PLEKHM3: variants seen among roughly 807,000 people sequenced by gnomAD.
The protein encoded by PLEKHM3 is pleckstrin homology domain containing M3, also known as pleckstrin homology domain-containing family M member 3.
PLEKHM3 carries 45 observed loss-of-function variants against 81.8 expected under a neutral mutation model. That is an observed-to-expected ratio of 0.55 (90% confidence interval 0.43 to 0.71). PLEKHM3 has a LOEUF of 0.71. Among genes scored for constraint, PLEKHM3 ranks in the 30% least tolerant of loss-of-function variants. The pLI, the probability that PLEKHM3 is intolerant of heterozygous loss-of-function variation, is 0.00. For missense variants in PLEKHM3, 788 were observed against 924.3 expected (o/e 0.85, Z 1.91); for synonymous variants, 352 against 356.4 (o/e 0.99, Z 0.14).
chr2:207,980,319 G>A (rs922480403), intron 2 of PLEKHM3, among the ~76,000 whole-genome samples: 1 of 152,080 alleles, frequency 6.6e-6, no homozygotes, highest in Non-Finnish European at 1.5e-5. Context: ...CTAACTATAT[G>A]AGCTAGGGTG....
At chr2:207,955,404 T>C (rs1156996821) in intron 3 of PLEKHM3, among the ~76,000 whole-genome samples, 1 of 152,038 alleles carries the variant, frequency 6.6e-6, no homozygotes, top group Non-Finnish European at 1.5e-5. Flanking sequence ...GTAAGCAATT[T>C]AAAAATAAAA....
At chr2:207,863,335 A>C (rs987665600) in intron 6 of PLEKHM3, among the ~76,000 whole-genome samples, 10 of 152,228 alleles carry the variant, frequency 6.6e-5, no homozygotes, top group African/African-American at 2.4e-4. Context: ...GCCTCAAGGC[A>C]GTGCCTGCAG....
At chr2:207,834,124 C>T (rs1387107662) in intron 7 of PLEKHM3, among the ~76,000 whole-genome samples, 1 of 126,044 alleles carries the variant, frequency 7.9e-6, no homozygotes, top group African/African-American at 3.3e-5. Context: ...TCTGATTTTT[C>T]TCTTTCTTTT....
intron 4 of PLEKHM3, among the ~76,000 whole-genome samples, chr2:207,944,303 T>C (rs992573039): frequency 6.6e-6 from 1 of 152,066 alleles, no homozygotes; most frequent in African/African-American, 2.4e-5. Flanking sequence ...TCCAGTAGAA[T>C]AAGAAACTGC....
At chr2:207,888,005 T>G (rs1687933277) in intron 6 of PLEKHM3, among the ~76,000 whole-genome samples, 1 of 152,136 alleles carries the variant, frequency 6.6e-6, no homozygotes, top group Admixed American at 6.5e-5. Context: ...AATATCTGTC[T>G]TTCTCAGTCC....
chr2:207,884,762 T>C (rs1265048178), intron 6 of PLEKHM3, among the ~76,000 whole-genome samples: 1 of 152,232 alleles, frequency 6.6e-6, no homozygotes, highest in Non-Finnish European at 1.5e-5. Flanking sequence ...ATTGAAAATA[T>C]GTTTAAAGAG....
chr2:207,885,007 T>A (rs1292488371), intron 6 of PLEKHM3, among the ~76,000 whole-genome samples: 1 of 152,222 alleles, frequency 6.6e-6, no homozygotes, highest in Non-Finnish European at 1.5e-5. Context: ...GCTGAGAACC[T>A]GCATGTCTCT....
At chr2:207,909,016 A>G (rs927801326) in intron 5 of PLEKHM3, among the ~76,000 whole-genome samples, 1 of 152,162 alleles carries the variant, frequency 6.6e-6, no homozygotes, top group African/African-American at 2.4e-5. Flanking sequence ...ATCTAAATAT[A>G]TTGATCTTGG....
At chr2:207,851,347 A>G (rs1028594658) in intron 7 of PLEKHM3, 3 of 152,188 alleles carry the variant, frequency 2.0e-5, no homozygotes, top group African/African-American at 7.2e-5. Flanking sequence ...TTAGCAAAGC[A>G]GTTTTATAAT....
Position 208,001,060 on chromosome 2 carries a change from T to C in PLEKHM3, c.580A>G (p.Asn194Asp), listed in dbSNP as rs1049307179. Residue 194 changes from asparagine (N) to aspartate (D), a missense_variant, in exon 2 of 8, where the codon AAT (asparagine) becomes GAT (aspartate). Physicochemically the swap from Asn to Asp is conservative, Grantham distance 23. Transcript: ENST00000427836. The stretch of plus-strand genomic sequence containing the variant: ...TTTCCTTGAGCATCTTCTATCTTAT[T>C]TGGTGAGGGCAACAGAAAAGATGGC... ...TRPSFLLPSP[N>D]KIEDAQGNTE... is the part of the protein sequence containing the mutation. 5 of 1,557,750 alleles carry C rather than the reference T, an allele frequency of 3.2e-6. No homozygotes were observed. Among genetic ancestry groups the C allele is most frequent in the Non-Finnish European group, 3.5e-6 (4 of 1,150,444 alleles).
At chr2:207,953,515 C>G (rs1243837178) in intron 3 of PLEKHM3, among the ~76,000 whole-genome samples, 3 of 152,072 alleles carry the variant, frequency 2.0e-5, no homozygotes, top group African/African-American at 7.2e-5. Context: ...GCTGCACAAG[C>G]CGGGTGTGGT....
At chr2:207,934,369 C>T (rs1689681662) in intron 4 of PLEKHM3, among the ~76,000 whole-genome samples, 1 of 152,182 alleles carries the variant, frequency 6.6e-6, no homozygotes, top group African/African-American at 2.4e-5. Context: ...TCGGCTGGCA[C>T]TCTTTTCCAT....
intron 2 of PLEKHM3, among the ~76,000 whole-genome samples, chr2:207,980,603 C>CT (rs779492010): frequency 8.5e-5 from 13 of 152,090 alleles, no homozygotes; most frequent in Non-Finnish European, 1.5e-4. Flanking sequence ...AGGTTTTACT[C>CT]TGTCACCCAG....
intron 1 of PLEKHM3, among the ~76,000 whole-genome samples, chr2:208,019,239 G>A (rs1693040035): frequency 1.3e-5 from 2 of 152,160 alleles, no homozygotes; most frequent in Non-Finnish European, 2.9e-5. Flanking sequence ...TCAGGAGTTT[G>A]AGGCTGCAGT....
chr2:208,003,822 C>T (rs1692397273), intron 1 of PLEKHM3, among the ~76,000 whole-genome samples: 1 of 152,054 alleles, frequency 6.6e-6, no homozygotes, highest in Non-Finnish European at 1.5e-5. Flanking sequence ...CGGAAATATA[C>T]ATAAATATAA....
At chr2:207,836,898 A>C (rs896065571) in intron 7 of PLEKHM3, among the ~76,000 whole-genome samples, 1 of 152,238 alleles carries the variant, frequency 6.6e-6, no homozygotes, top group African/African-American at 2.4e-5. Context: ...AGAGCAGGGC[A>C]GAGCCTTGGC....
intron 1 of PLEKHM3, among the ~76,000 whole-genome samples, chr2:208,008,501 C>CAAAAAAAA (rs59305459): frequency 3.3e-4 from 28 of 83,720 alleles, no homozygotes; most frequent in African/African-American, 1.3e-3. Context: ...CTAACCTTGC[C>CAAAAAAAA]AAAAAAAAAA....
intron 1 of PLEKHM3, among the ~76,000 whole-genome samples, chr2:208,020,118 A>T (rs1693076529): frequency 1.3e-5 from 2 of 152,252 alleles, no homozygotes; most frequent in African/African-American, 4.8e-5. Flanking sequence ...ACACAAGGTG[A>T]AGTGGATATT....
Position 207,825,775 on chromosome 2 carries a change from C to A in PLEKHM3, c.*2544G>T, listed in dbSNP as rs1444736713. On this transcript the variant is annotated 3_prime_UTR_variant, in exon 8 of 8. Coordinates refer to ENST00000427836, the MANE Select transcript of PLEKHM3 (RefSeq NM_001080475.3). ...AGGAAACAGGAGTGCTGGACATGGA[C>A]CCAGCTCTGGGTAGCTGATGGTGAT... 1.3e-5 allele frequency: 2 copies of A among 152,202 alleles called. No individual in the cohort carries two copies. Among genetic ancestry groups the A allele is most frequent in the African/African-American group, 4.8e-5 (2 of 41,442 alleles). 9.4% of individuals were successfully genotyped at this position (152,202 alleles called of 1,614,324 possible).
Sources: allele counts gnomAD v4.1 joint callset (sites outside exome capture counted in the v4.1 genomes callset), GRCh38; gene constraint gnomAD v4.1.1; transcripts MANE v1.5; gene names NCBI Gene and HGNC (gene_info 2026-07-23, HGNC 2026-07-21).